BTBD8: variants seen among roughly 807,000 people sequenced by gnomAD.
BTBD8 encodes the protein BTB/POZ domain-containing protein 8.
BTBD8 carries 110 observed loss-of-function variants against 162.9 expected under a neutral mutation model. The observed-to-expected ratio is 0.68, with a 90% confidence interval of 0.58 to 0.79. The LOEUF is 0.79. Among genes scored for constraint, BTBD8 ranks in the 30% least tolerant of loss-of-function variants. BTBD8 has a pLI of 0.00. For missense variants in BTBD8, 1,905 were observed against 2,085.4 expected (o/e 0.91, Z 1.68); for synonymous variants, 667 against 716.1 (o/e 0.93, Z 1.10).
At chr1:92,085,136 C>T (rs1354882786) in intron 1 of BTBD8, among the ~76,000 whole-genome samples, 1 of 152,166 alleles carries the variant, frequency 6.6e-6, no homozygotes, top group Non-Finnish European at 1.5e-5. Context: ...TATAAACTCC[C>T]TGAGGATAGG....
chr1:92,163,229 C>T (rs1650307391), intron 9 of BTBD8, among the ~76,000 whole-genome samples: 1 of 151,644 alleles, frequency 6.6e-6, no homozygotes, highest in Non-Finnish European at 1.5e-5. Context: ...GTGGCAGGCA[C>T]CTGTAATCCC....
intron 2 of BTBD8, among the ~76,000 whole-genome samples, chr1:92,098,668 T>G (rs887418109): frequency 1.3e-5 from 2 of 152,224 alleles, no homozygotes; most frequent in Non-Finnish European, 2.9e-5. Flanking sequence ...ATCATTTGCA[T>G]TTCCATGATA....
chr1:92,123,776 C>CAA (rs529220915), intron 4 of BTBD8, among the ~76,000 whole-genome samples: 2,072 of 83,778 alleles, frequency 0.025, 132 homozygotes, highest in African/African-American at 0.073. Flanking sequence ...GACTCCGTCT[C>CAA]AAAAAAAAAA....
At chr1:92,109,944 A>G (rs751271114) in intron 4 of BTBD8, among the ~76,000 whole-genome samples, 5 of 152,260 alleles carry the variant, frequency 3.3e-5, no homozygotes, top group Non-Finnish European at 7.3e-5. Context: ...ACCAGGATTT[A>G]TGACTGGAAT....
intron 9 of BTBD8, among the ~76,000 whole-genome samples, chr1:92,157,575 CTCACTACAG>C (rs1248496743): frequency 6.6e-6 from 1 of 152,140 alleles, no homozygotes; most frequent in Non-Finnish European, 1.5e-5. Flanking sequence ...ACGATCATAG[CTCACTACAG>C]CCTCAAACTC....
chr1:92,099,841 G>A (rs557563960), intron 2 of BTBD8, among the ~76,000 whole-genome samples: 3 of 151,994 alleles, frequency 2.0e-5, no homozygotes, highest in African/African-American at 4.8e-5. Context: ...TTTCTTTACC[G>A]TGTAGATGCC....
rs1650767887 is a variant in BTBD8, at chr1:92,177,883, C to G, written c.2426C>G (p.Thr809Ser). 6.6e-7 allele frequency: 1 copy of G among 1,521,270 alleles called. No individual in the cohort carries two copies. The highest frequency in any genetic ancestry group is 8.9e-7 in the Non-Finnish European group (1 of 1,120,046). 94.2% of individuals were successfully genotyped at this position (1,521,270 alleles called of 1,614,324 possible). The change falls in exon 15 of 18, where the codon ACT becomes AGT. Residue 809 changes from threonine (T) to serine (S), a missense_variant. This residue lies in a region of BTBD8 where 1,374 missense variants were observed against 1,442.7 expected (regional missense o/e 0.95). Transcript: ENST00000636805. ...SNKKSIHEQD[T>S]NVNNSVLKKV... ...AAAAAAAGTATTCATGAACAAGACA[C>G]TAATGTAAATAACAGGTAGGTCTTC...
Position 92,080,438 on chromosome 1 carries a change from G to C in BTBD8, c.-134G>C. 7.7e-7 allele frequency: 1 copy of C among 1,302,896 alleles called. No individual in the cohort carries two copies. Among genetic ancestry groups the C allele is most frequent in the South Asian group, 1.5e-5 (1 of 66,060 alleles). 80.7% of individuals were successfully genotyped at this position (1,302,896 alleles called of 1,614,324 possible). A position where few individuals can be genotyped will look rare whatever the true frequency, so the allele number is the denominator to read the frequency against. On this transcript the variant is annotated 5_prime_UTR_variant, in exon 1 of 18. Transcript: ENST00000636805. ...GAGACTGTCTACAAACCGACGAGAG[G>C]CGTCAACCTTTTACCCTAGGGGGCG... is the stretch of plus-strand genomic sequence containing the variant.
At chr1:92,097,459 A>T (rs1215480318) in intron 2 of BTBD8, among the ~76,000 whole-genome samples, 1 of 152,132 alleles carries the variant, frequency 6.6e-6, no homozygotes, top group African/African-American at 2.4e-5. Flanking sequence ...ATATATTCAC[A>T]ATGTTGTGCC....
At chr1:92,131,752 T>C (rs1173042030) in intron 5 of BTBD8, among the ~76,000 whole-genome samples, 1 of 151,672 alleles carries the variant, frequency 6.6e-6, no homozygotes, top group Non-Finnish European at 1.5e-5. Context: ...ACACACATTA[T>C]GTAATGATGA....
intron 2 of BTBD8, 56 bp downstream of exon 2, chr1:92,088,951 G>T: frequency 7.3e-7 from 1 of 1,373,562 alleles, no homozygotes; most frequent in Non-Finnish European, 9.9e-7. Context: ...TTTTTAACAT[G>T]TATGTTTTTA....
chr1:92,109,202 T>G (rs1162594652), intron 4 of BTBD8, among the ~76,000 whole-genome samples: 1 of 152,084 alleles, frequency 6.6e-6, no homozygotes, highest in Non-Finnish European at 1.5e-5. Flanking sequence ...CATGGGTATA[T>G]TTCCTAAATC....
intron 13 of BTBD8, 96 bp from the exon 14 acceptor site, chr1:92,176,733 A>G (rs1466544842): frequency 2.6e-5 from 16 of 625,570 alleles, no homozygotes; most frequent in East Asian, 1.5e-4. Context: ...GAACTTTTCT[A>G]TTTTTTTTCT....
At chr1:92,178,144 G>A (rs1412729753) in intron 15 of BTBD8, among the ~76,000 whole-genome samples, 168 bp from the exon 16 acceptor site, 1 of 151,888 alleles carries the variant, frequency 6.6e-6, no homozygotes, top group Non-Finnish European at 1.5e-5. Flanking sequence ...TATTATACTT[G>A]ATCTACAGTT....
chr1:92,113,802 G>A (rs1480840786), intron 4 of BTBD8, among the ~76,000 whole-genome samples: 1 of 151,916 alleles, frequency 6.6e-6, no homozygotes, highest in Non-Finnish European at 1.5e-5. Flanking sequence ...CATGAGGTCA[G>A]GAGATTGAGA....
chr1:92,149,490 A>G (rs1649998017), intron 9 of BTBD8, among the ~76,000 whole-genome samples: 1 of 152,224 alleles, frequency 6.6e-6, no homozygotes, highest in African/African-American at 2.4e-5. Flanking sequence ...AGAGATGTAT[A>G]TAGTTGCCAG....
At chr1:92,175,620 C>G (rs1570758959) in intron 13 of BTBD8, among the ~76,000 whole-genome samples, 1 of 151,424 alleles carries the variant, frequency 6.6e-6, no homozygotes, top group Admixed American at 6.6e-5. Flanking sequence ...CACGGTGAAA[C>G]CCTCTCTCTA....
intron 9 of BTBD8, among the ~76,000 whole-genome samples, chr1:92,151,350 CTCAAAAAAAAAAAAA>C (rs961779068): frequency 5.3e-5 from 4 of 74,784 alleles, no homozygotes; most frequent in African/African-American, 2.0e-4. Flanking sequence ...ACGAAACTGT[CTCAAAAAAAAAAAAA>C]AAAAGTAAAT....
At chr1:92,144,426 A>G (rs1404758638) in intron 7 of BTBD8, among the ~76,000 whole-genome samples, 1 of 152,072 alleles carries the variant, frequency 6.6e-6, no homozygotes, top group Non-Finnish European at 1.5e-5. Flanking sequence ...TAGCTTCACA[A>G]TCCTGCCTTT....
Sources: allele counts gnomAD v4.1 joint callset (sites outside exome capture counted in the v4.1 genomes callset), GRCh38; gene constraint gnomAD v4.1.1; regional missense constraint gnomAD v4.1.1; transcripts MANE v1.5; gene names NCBI Gene and HGNC (gene_info 2026-07-23, HGNC 2026-07-21).